Variants in AGL observed in about 807,000 individuals in gnomAD.
AGL encodes the protein glycogen debranching enzyme.
Under a neutral mutation model 199.3 loss-of-function variants are expected in AGL, and 128 were observed. The ratio of observed to expected loss-of-function variants is 0.64; its 90% CI spans 0.56 to 0.74. The LOEUF is 0.74. Among genes scored for constraint, AGL ranks in the 30% least tolerant of loss-of-function variants. The pLI is 0.00. For missense variants in AGL, 1,809 were observed against 1,820.8 expected (o/e 0.99, Z 0.12); for synonymous variants, 584 against 594.7 (o/e 0.98, Z 0.26).
intron 33 of AGL, among the ~76,000 whole-genome samples, chr1:99,918,919 C>T (rs560942045): frequency 3.3e-5 from 5 of 151,756 alleles, no homozygotes; most frequent in African/African-American, 1.2e-4. Context: ...AGCAAGTGTT[C>T]CTGACGCTGT....
chr1:99,884,413 A>G lies in AGL; in HGVS notation c.2508A>G (p.Glu836=). 1 of 1,613,406 alleles carries G rather than the reference A, an allele frequency of 6.2e-7. No individual in the cohort carries two copies. Among genetic ancestry groups the G allele is most frequent in the South Asian group, 1.1e-5 (1 of 91,046 alleles). The change falls in exon 19 of 34, where the codon GAA becomes GAG. Residue 836 remains glutamate, a synonymous_variant. Coordinates refer to ENST00000361915, the MANE Select transcript of AGL (RefSeq NM_000642.3). ...CCAATGAATATATTCAAGAAATAGA[A>G]TTTGAAAACTTGTCTCCAGGAAGTG... ...KGPNEYIQEI[E]FENLSPGSVI...
Position 99,875,441 on chromosome 1 carries a change from TC to T in AGL, c.1271del (p.Pro424LeufsTer2). 1 of 1,614,130 alleles carries T rather than the reference TC, an allele frequency of 6.2e-7. No individual in the cohort carries two copies. Among genetic ancestry groups the T allele is most frequent in the Non-Finnish European group, 8.5e-7 (1 of 1,179,992 alleles). On this transcript the variant is annotated frameshift_variant, in exon 10 of 34. Transcript: ENST00000361915. LOFTEE classifies it high-confidence loss of function. ...AACTAGGACCTGTCACTAGAAAGCATCCTTTAGTTACCAGGTGTTGCATTTT... is the reference window on the plus strand; with the variant it reads ...AACTAGGACCTGTCACTAGAAAGCATCTTTAGTTACCAGGTGTTGCATTTT... ...PKLGPVTRKH[P>X]LVTRYFTFPF...
intron 5 of AGL, among the ~76,000 whole-genome samples, chr1:99,866,874 A>G (rs1330095397): frequency 1.3e-5 from 2 of 151,448 alleles, no homozygotes; most frequent in Non-Finnish European, 1.5e-5. Context: ...GCTGGAGTGC[A>G]ATGGCGCGAT....
intron 27 of AGL, 88 bp downstream of exon 27, chr1:99,902,882 C>A: frequency 1.0e-6 from 1 of 975,108 alleles, no homozygotes; most frequent in Non-Finnish European, 1.6e-6. Context: ...ATTTGTGTGC[C>A]AAACCTCACG....
At chr1:99,876,965 A>T (rs1334035563) in intron 11 of AGL, among the ~76,000 whole-genome samples, 1 of 152,198 alleles carries the variant, frequency 6.6e-6, no homozygotes, top group African/African-American at 2.4e-5. Context: ...ATTTTCACTC[A>T]TTGGCCAGAG....
intron 27 of AGL, among the ~76,000 whole-genome samples, chr1:99,906,193 A>G (rs768258059): frequency 1.4e-4 from 21 of 152,190 alleles, no homozygotes; most frequent in African/African-American, 2.2e-4. Context: ...CTATAAATTC[A>G]ATTATCCTAG....
chr1:99,864,557 T>C lies in AGL; in HGVS notation c.632T>C (p.Ile211Thr), dbSNP rs1053405327. 4 of 1,613,766 alleles carry C rather than the reference T, an allele frequency of 2.5e-6. No individual in the cohort carries two copies. Among genetic ancestry groups the C allele is most frequent in the African/African-American group, 1.3e-5 (1 of 74,906 alleles). The change falls in exon 5 of 34, where the codon ATT (isoleucine) becomes ACT (threonine). Residue 211 changes from isoleucine to threonine, a missense_variant. By Grantham distance (89) the Ile-to-Thr change is moderately conservative. Coordinates refer to ENST00000361915, the MANE Select transcript of AGL (RefSeq NM_000642.3). ...VEKLKKEWNV[I>T]CITDVVYNHT... ...AAATTAAAAAAGGAATGGAATGTTA[T>C]TTGTATTACTGATGTTGTCTACAAT...
At chr1:99,887,574 C>A (rs1238304025) in intron 20 of AGL, among the ~76,000 whole-genome samples, 1 of 151,892 alleles carries the variant, frequency 6.6e-6, no homozygotes, top group Non-Finnish European at 1.5e-5. Flanking sequence ...CTTGATGTCT[C>A]ACTTAGGGGA....
Position 99,921,635 on chromosome 1 carries a change from C to T in AGL, c.4583C>T (p.Thr1528Ile), listed in dbSNP as rs769116515. The T allele has an allele frequency of 5.0e-6, 8 of 1,606,770 alleles. No homozygotes were observed. In the East Asian group the frequency reaches 1.3e-4, roughly 27 times the overall value. ...QAWSIATILE[T>I]LYDL Reference sequence around the variant, plus strand: ...TGGTCAATTGCTACTATTCTTGAGACACTTTATGATTTATAGTTTATTACA... The same window carrying T: ...TGGTCAATTGCTACTATTCTTGAGATACTTTATGATTTATAGTTTATTACA... The change falls in exon 34 of 34, where the codon ACA becomes ATA. Residue 1528 changes from threonine to isoleucine, a missense_variant. Thr to Ile is a moderately conservative substitution (Grantham distance 89, BLOSUM62 -1). Transcript: ENST00000361915.
At chr1:99,870,056 A>G (rs142009223) in intron 5 of AGL, among the ~76,000 whole-genome samples, 2 of 152,312 alleles carry the variant, frequency 1.3e-5, no homozygotes, top group Non-Finnish European at 2.9e-5. Flanking sequence ...TTATTTTAGC[A>G]CTTTCTCAAC....
At chr1:99,874,856 A>G (rs1340994403) in intron 8 of AGL, 46 bp downstream of exon 8, 1 of 1,590,574 alleles carries the variant, frequency 6.3e-7, no homozygotes. Context: ...TTACTTACAA[A>G]CCTTTATGGC....
In AGL at chr1:99,896,305, T is replaced by G. The variant is rs903732071; in HGVS notation, c.3279T>G (p.Ser1093=). The stretch of plus-strand genomic sequence containing the variant: ...TGTTAGGCTTACCTCATTTTTCTTC[T>G]GGTATTTTCCGCTGCTGGGGAAGGG... The part of the protein sequence containing the change: ...SLAAGLPHFS[S]GIFRCWGRDT... The change falls in exon 25 of 34, where the codon TCT becomes TCG. Residue 1093 remains serine, a synonymous_variant. Coordinates refer to ENST00000361915, the MANE Select transcript of AGL (RefSeq NM_000642.3). The G allele has an allele frequency of 2.5e-6, 4 of 1,613,898 alleles. No homozygotes were observed. The highest frequency in any genetic ancestry group is 3.3e-5 in the Admixed American group (2 of 60,010).
At chr1:99,858,657 A>G (rs1478063680) in intron 2 of AGL, among the ~76,000 whole-genome samples, 1 of 152,208 alleles carries the variant, frequency 6.6e-6, no homozygotes, top group Non-Finnish European at 1.5e-5. Context: ...TTTTACCCAA[A>G]ATAAGTAGAA....
At chr1:99,901,056 AGAT>A (rs1323446550) in intron 26 of AGL, among the ~76,000 whole-genome samples, 195 bp downstream of exon 26, 1 of 152,130 alleles carries the variant, frequency 6.6e-6, no homozygotes, top group Admixed American at 6.5e-5. Flanking sequence ...ATGGTAGAAG[AGAT>A]GATGATGTGT....
At chr1:99,898,228 A>G (rs1653497343) in intron 25 of AGL, among the ~76,000 whole-genome samples, 1 of 152,034 alleles carries the variant, frequency 6.6e-6, no homozygotes, top group Non-Finnish European at 1.5e-5. Flanking sequence ...TTGTATTTTT[A>G]GTAGAGACCG....
At chr1:99,898,466 G>T (rs1439509529) in intron 25 of AGL, among the ~76,000 whole-genome samples, 1 of 152,082 alleles carries the variant, frequency 6.6e-6, no homozygotes, top group Non-Finnish European at 1.5e-5. Context: ...TATAGAAAAG[G>T]TTTGCCTACC....
At chr1:99,874,575 TA>T in intron 7 of AGL, 111 bp from the exon 8 acceptor site, 1 of 1,054,538 alleles carries the variant, frequency 9.5e-7, no homozygotes, top group African/African-American at 1.6e-5. Context: ...GTGAAATAAA[TA>T]TTTGTTTTAT....
intron 24 of AGL, among the ~76,000 whole-genome samples, chr1:99,893,571 A>C (rs1195109989): frequency 3.9e-5 from 6 of 152,240 alleles, no homozygotes; most frequent in African/African-American, 1.2e-4. Flanking sequence ...AGAACCCATT[A>C]CAAAAAATAG....
chr1:99,865,364 A>C (rs1476384315), intron 5 of AGL, among the ~76,000 whole-genome samples: 1 of 152,220 alleles, frequency 6.6e-6, no homozygotes. Flanking sequence ...TATTATTTGG[A>C]GAGAAACTTA....
Sources: allele counts gnomAD v4.1 joint callset (sites outside exome capture counted in the v4.1 genomes callset), GRCh38; gene constraint gnomAD v4.1.1; transcripts MANE v1.5; gene names NCBI Gene and HGNC (gene_info 2026-07-23, HGNC 2026-07-21).